Variants in NMNAT1 observed in about 807,000 individuals in gnomAD.
The protein encoded by NMNAT1 is nicotinamide/nicotinic acid mononucleotide adenylyltransferase 1.
In NMNAT1, 11 loss-of-function variants were observed where a neutral mutation model predicts 16.7. That is an observed-to-expected ratio of 0.66 (90% CI 0.41 to 1.09). NMNAT1 has a LOEUF of 1.09. NMNAT1 is among the 50% of genes least tolerant of loss of function. The probability of loss-of-function intolerance (pLI) is 0.00; values close to 1 mark genes in which losing one functional copy is unlikely to be tolerated. For missense variants in NMNAT1, 280 were observed against 332.3 expected, an observed-to-expected ratio of 0.84 and a Z score of 1.22; for synonymous variants, 110 against 119.8, an observed-to-expected ratio of 0.92 and a Z score of 0.53.
rs531693089 is a variant in NMNAT1 at position 9,965,693 on chromosome 1, G to A, written c.-56-6325G>A. Among the ~76,000 whole-genome samples the A allele has an allele frequency of 1.6e-4, 24 of 152,118 alleles. No individual in the cohort carries two copies. The East Asian group carries it at 2.1e-3, about 14-fold the overall frequency. ...GCTGGGATTACAGGTGTGAGCAACC[G>A]CACCTGGCCAAGAATATTTATTTTG... On this transcript the variant is annotated intron_variant, in intron 1 of 4. Coordinates refer to ENST00000377205, the MANE Select transcript of NMNAT1 (RefSeq NM_022787.4).
At chr1:9,963,453 A>C (rs1321083758) in intron 1 of NMNAT1, among the ~76,000 whole-genome samples, 1 of 150,794 alleles carries the variant, frequency 6.6e-6, no homozygotes, top group African/African-American at 2.4e-5. Context: ...TGTGTCCCCC[A>C]GTCTGGAGTG....
intron 1 of NMNAT1, among the ~76,000 whole-genome samples, chr1:9,962,421 G>A (rs2101669652): frequency 6.6e-6 from 1 of 150,476 alleles, no homozygotes; most frequent in East Asian, 2.1e-4. Flanking sequence ...GGCGGAGCTT[G>A]CAGTGAGCCG....
At position 9,967,825 on chromosome 1, in the gene NMNAT1, C is replaced by CA. The variant is rs1451786717; in HGVS notation, c.-56-4186dup. ...CAAAACCCCATCTCTACAAAAAATA[C>CA]AAAAAAACAATTAGCCAGTGCATGC... On this transcript the variant is annotated intron_variant, in intron 1 of 4. Transcript: ENST00000377205. Among the ~76,000 whole-genome samples the CA allele has an allele frequency of 2.0e-5, 3 of 151,776 alleles. No individual in the cohort carries two copies. In the East Asian group the frequency reaches 5.9e-4, roughly 30 times the overall value.
At chr1:9,945,922 T>C (rs1640968969) in intron 1 of NMNAT1, among the ~76,000 whole-genome samples, 1 of 152,004 alleles carries the variant, frequency 6.6e-6, no homozygotes, top group East Asian at 1.9e-4. Context: ...TCCGGCTAGT[T>C]TTTGTATTTT....
rs1641983195 is a variant in NMNAT1 at position 9,983,084 on chromosome 1, GACAGAGCAAGACTCTGTCT to G, written c.*384_*402del. The G allele has an allele frequency of 6.6e-6, 1 of 150,858 alleles. No homozygotes were observed. The highest frequency in any genetic ancestry group is 1.4e-5 in the Non-Finnish European group (1 of 69,596). The allele number at this position is 150,858 out of a possible 1,614,324, so 9.3% of individuals were successfully genotyped here. On this transcript the variant is annotated 3_prime_UTR_variant, in exon 5 of 5. Coordinates refer to ENST00000377205, the MANE Select transcript of NMNAT1 (RefSeq NM_022787.4). Reference sequence around the variant, plus strand: ...TTGCACCATTGCACTCCAGCCTGGCGACAGAGCAAGACTCTGTCTCAAAAAAAAAAAAAAATTTAGTAAA... The same window carrying G: ...TTGCACCATTGCACTCCAGCCTGGCGCAAAAAAAAAAAAAAATTTAGTAAA...
chr1:9,993,798 G>C, the NMNAT1 span, among the ~76,000 whole-genome samples: 2 of 152,130 alleles, frequency 1.3e-5, no homozygotes, highest in African/African-American at 4.8e-5. Context: ...TGGAATGTAT[G>C]GAGATAAGGA....
At chr1:9,959,667 G>A (rs990750975) in intron 1 of NMNAT1, among the ~76,000 whole-genome samples, 3 of 151,876 alleles carry the variant, frequency 2.0e-5, no homozygotes, top group Admixed American at 6.6e-5. Context: ...TGGCGACAAC[G>A]AGACTCTGTC....
chr1:9,944,955 C>T (rs759592179), intron 1 of NMNAT1, among the ~76,000 whole-genome samples: 1 of 152,190 alleles, frequency 6.6e-6, no homozygotes, highest in Non-Finnish European at 1.5e-5. Flanking sequence ...AAAAGTCGGC[C>T]GGGTGCAGTG....
intron 2 of NMNAT1, among the ~76,000 whole-genome samples, chr1:9,974,538 G>C (rs1487196259): frequency 2.0e-5 from 3 of 151,928 alleles, no homozygotes; most frequent in Non-Finnish European, 4.4e-5. Flanking sequence ...ACAGGTGCCC[G>C]CCACCATGCC....
At chr1:9,980,990 T>C (rs755715777) in intron 3 of NMNAT1, 41 bp from the exon 4 acceptor site, 32 of 1,581,628 alleles carry the variant, frequency 2.0e-5, no homozygotes, top group Non-Finnish European at 2.4e-5. Flanking sequence ...TAATGGAGCA[T>C]GTGAGAAAGA....
intron 1 of NMNAT1, among the ~76,000 whole-genome samples, chr1:9,955,328 C>T (rs568824357): frequency 5.6e-5 from 8 of 143,660 alleles, no homozygotes; most frequent in Admixed American, 1.5e-4. Context: ...CGCTTGAACC[C>T]GGGAGGCGGA....
At chr1:9,945,698 AAAT>A (rs747611021) in intron 1 of NMNAT1, among the ~76,000 whole-genome samples, 16 of 152,222 alleles carry the variant, frequency 1.1e-4, no homozygotes, top group African/African-American at 3.6e-4. Context: ...GGTCTCAAAA[AAAT>A]AATAATAATA....
chr1:9,944,363 CAT>C (rs1213787461), intron 1 of NMNAT1, among the ~76,000 whole-genome samples: 1 of 152,182 alleles, frequency 6.6e-6, no homozygotes, highest in African/African-American at 2.4e-5. Flanking sequence ...GGCTGGGCAA[CAT>C]AGCAAGACCC....
chr1:9,965,119 C>T (rs1234723605), intron 1 of NMNAT1, among the ~76,000 whole-genome samples: 1 of 151,576 alleles, frequency 6.6e-6, no homozygotes, highest in Non-Finnish European at 1.5e-5. Flanking sequence ...GAGATCAAGA[C>T]CATCCTGGCG....
At chr1:9,948,870 A>G (rs1186878163) in intron 1 of NMNAT1, among the ~76,000 whole-genome samples, 2 of 149,466 alleles carry the variant, frequency 1.3e-5, no homozygotes, top group Admixed American at 1.3e-4. Flanking sequence ...CTGGTCTCGA[A>G]CTCCTGACCT....
intron 1 of NMNAT1, among the ~76,000 whole-genome samples, chr1:9,960,477 C>T (rs748050358): frequency 1.3e-5 from 2 of 151,972 alleles, no homozygotes; most frequent in Non-Finnish European, 2.9e-5. Flanking sequence ...GCCTGGGCAA[C>T]ACAGCGAGAC....
At chr1:9,962,571 A>C (rs1267405511) in intron 1 of NMNAT1, among the ~76,000 whole-genome samples, 1 of 151,764 alleles carries the variant, frequency 6.6e-6, no homozygotes, top group Admixed American at 6.6e-5. Flanking sequence ...CTCAGAATTA[A>C]TCCTCAAAGT....
intron 1 of NMNAT1, among the ~76,000 whole-genome samples, chr1:9,945,852 C>A (rs1193857364): frequency 6.6e-6 from 1 of 152,194 alleles, no homozygotes; most frequent in Non-Finnish European, 1.5e-5. Context: ...CTCTCAGGCT[C>A]AAGTGATCCT....
At chr1:9,948,343 G>A (rs1413158666) in intron 1 of NMNAT1, among the ~76,000 whole-genome samples, 1 of 152,140 alleles carries the variant, frequency 6.6e-6, no homozygotes, top group Admixed American at 6.6e-5. Flanking sequence ...GGGAGGTTAA[G>A]GTGGGCGGAT....
Sources: allele counts gnomAD v4.1 joint callset (sites outside exome capture counted in the v4.1 genomes callset), GRCh38; gene constraint gnomAD v4.1.1; transcripts MANE v1.5; gene names NCBI Gene and HGNC (gene_info 2026-07-23, HGNC 2026-07-21).